The following PXDN variants were observed in gnomAD, a reference collection of about 807,000 sequenced individuals.
PXDN encodes the protein peroxidasin.
In PXDN, 77 loss-of-function variants were observed where a neutral mutation model predicts 140.3. The ratio of observed to expected loss-of-function variants is 0.55; its 90% CI spans 0.46 to 0.66. The LOEUF (loss-of-function observed/expected upper bound fraction) is 0.66. PXDN is among the 30% of genes least tolerant of loss of function. The pLI is 0.00. For synonymous variants in PXDN, 911 were observed against 857.4 expected (o/e 1.06, Z -1.09); for missense variants, 1,838 against 2,039.5 (o/e 0.90, Z 1.90).
intron 1 of PXDN, among the ~76,000 whole-genome samples, chr2:1,694,797 G>A (rs1048499153): frequency 9.9e-5 from 15 of 152,196 alleles, no homozygotes; most frequent in African/African-American, 3.6e-4. Flanking sequence ...AGCCATCCAG[G>A]ATGCCCACTC....
intron 4 of PXDN, 108 bp from the exon 5 acceptor site, chr2:1,684,259 T>C (rs558801792): frequency 2.2e-5 from 18 of 803,636 alleles, no homozygotes; most frequent in Admixed American, 4.3e-5. Flanking sequence ...TATCAATAGA[T>C]AGCTCACTCA....
intron 4 of PXDN, 138 bp from the exon 5 acceptor site, chr2:1,684,289 T>G: frequency 1.5e-6 from 1 of 675,988 alleles, no homozygotes; most frequent in Non-Finnish European, 2.6e-6. Context: ...CTACATTGTA[T>G]GAACAATACA....
At chr2:1,699,344 A>T (rs1684367433) in intron 1 of PXDN, among the ~76,000 whole-genome samples, 1 of 152,118 alleles carries the variant, frequency 6.6e-6, no homozygotes. Flanking sequence ...ACTGATTTTT[A>T]AAATAAAACA....
intron 2 of PXDN, chr2:1,692,396 C>CTTT (rs1558511271): frequency 2.4e-6 from 1 of 421,468 alleles, no homozygotes; most frequent in Non-Finnish European, 4.9e-6. Context: ...GAAAGGTGGG[C>CTTT]CCTGTGGCCC....
At position 1,651,397 on chromosome 2, in the gene PXDN, C is replaced by T. The variant is rs1340014407; in HGVS notation, c.2105-1722G>A. Among the ~76,000 whole-genome samples, 1 of 152,228 alleles carries T rather than the reference C, an allele frequency of 6.6e-6. No individual in the cohort carries two copies. Among genetic ancestry groups the T allele is most frequent in the Non-Finnish European group, 1.5e-5 (1 of 68,048 alleles). On this transcript the variant is annotated intron_variant, in intron 16 of 22. Coordinates refer to ENST00000252804, the MANE Select transcript of PXDN (RefSeq NM_012293.3). The surrounding 1 kb of genome is among the most constrained non-coding windows in gnomAD (Gnocchi z 4.4). ...TTTCCCAGGACTGGTTTGCCCACAT[C>T]TGTCCTCACCCCATGCAGAGTGGTC...
intron 1 of PXDN, among the ~76,000 whole-genome samples, chr2:1,703,222 G>C (rs1239701432): frequency 1.2e-4 from 3 of 25,828 alleles, no homozygotes; most frequent in Non-Finnish European, 2.0e-4. Context: ...CCAGGTGAAG[G>C]GGGGGGCAAC....
At chr2:1,638,171 C>A (rs983191124) in intron 21 of PXDN, among the ~76,000 whole-genome samples, 2 of 152,156 alleles carry the variant, frequency 1.3e-5, no homozygotes, top group Admixed American at 1.3e-4. Context: ...CCAGGACCTG[C>A]GCACCTTGGG....
intron 6 of PXDN, among the ~76,000 whole-genome samples, chr2:1,681,550 G>C (rs555057327): frequency 1.3e-5 from 2 of 151,910 alleles, no homozygotes; most frequent in South Asian, 4.2e-4. Context: ...TCTAGGGGCC[G>C]ACGCTGGCTC....
At chr2:1,663,550 T>C (rs1187205359) in intron 12 of PXDN, 55 bp downstream of exon 12, 6 of 1,592,122 alleles carry the variant, frequency 3.8e-6, no homozygotes, top group Middle Eastern at 3.3e-4. Context: ...AATTCTGTGT[T>C]TCCTGATAAC....
At chr2:1,688,020 T>A (rs1684100890) in intron 3 of PXDN, among the ~76,000 whole-genome samples, 1 of 152,172 alleles carries the variant, frequency 6.6e-6, no homozygotes. Flanking sequence ...CTGAAGAAGA[T>A]AAAAACCATT....
rs1351089833 is a variant in PXDN at position 1,639,457 on chromosome 2, G to A, written c.3953-35C>T. ...AAGCACAAAGCAGAATGTCAGCTCTGAAGGCTCTGACCTCGGGGAAATTAA... is the reference window on the plus strand; with the variant it reads ...AAGCACAAAGCAGAATGTCAGCTCTAAAGGCTCTGACCTCGGGGAAATTAA... On this transcript the variant is annotated intron_variant, in intron 19 of 22. Transcript: ENST00000252804. The surrounding 1 kb of genome is among the most constrained non-coding windows in gnomAD (Gnocchi z 5.0). The A allele has an allele frequency of 6.2e-7, 1 of 1,612,752 alleles. No individual in the cohort carries two copies. The highest frequency in any genetic ancestry group is 2.2e-5 in the East Asian group (1 of 44,850).
intron 5 of PXDN, 135 bp downstream of exon 5, chr2:1,683,945 T>G (rs1313932122): frequency 1.0e-6 from 1 of 1,001,240 alleles, no homozygotes; most frequent in African/African-American, 1.7e-5. Flanking sequence ...ATTTCCAAAT[T>G]GTTAGACTAG....
chr2:1,665,331 C>T (rs1029266806), intron 10 of PXDN, among the ~76,000 whole-genome samples: 2 of 152,178 alleles, frequency 1.3e-5, no homozygotes, highest in East Asian at 1.9e-4. Flanking sequence ...GCAATGCACA[C>T]GGGGCACGGA....
intron 7 of PXDN, among the ~76,000 whole-genome samples, chr2:1,677,608 G>A (rs1482727607): frequency 6.6e-6 from 1 of 152,094 alleles, no homozygotes; most frequent in Non-Finnish European, 1.5e-5. Flanking sequence ...GGCTTCCGAG[G>A]GCCATCCGAG....
In PXDN at chr2:1,714,514, A is replaced by G. The variant is rs1684853086; in HGVS notation, c.201-21380T>C. ...TGACCGCGGGTCCACGCTCAGGGAA[A>G]TGCCCCTCCCACAGCAGGCCCAGTG... On this transcript the variant is annotated intron_variant, in intron 1 of 22. Transcript: ENST00000252804. The surrounding 1 kb of genome is among the most constrained non-coding windows in gnomAD (Gnocchi z 4.3). Among the ~76,000 whole-genome samples, 1 of 152,118 alleles carries G rather than the reference A, an allele frequency of 6.6e-6. No individual in the cohort carries two copies. The highest frequency in any genetic ancestry group is 2.4e-5 in the African/African-American group (1 of 41,416).
intron 1 of PXDN, among the ~76,000 whole-genome samples, chr2:1,728,266 A>C (rs1380944581): frequency 6.6e-6 from 1 of 152,184 alleles, no homozygotes; most frequent in Non-Finnish European, 1.5e-5. Flanking sequence ...AACTAATGTA[A>C]ACCCTGCAGC....
intron 19 of PXDN, among the ~76,000 whole-genome samples, chr2:1,642,898 T>G (rs1682762161): frequency 6.6e-6 from 1 of 152,174 alleles, no homozygotes; most frequent in Non-Finnish European, 1.5e-5. Flanking sequence ...CCTGCAGGGC[T>G]CCTCACGAGA....
At position 1,666,334 on chromosome 2, in the gene PXDN, T is replaced by C; in HGVS notation, c.1171A>G (p.Ile391Val). The stretch of plus-strand genomic sequence containing the variant: ...ATGTAAAGCCCGCCAGAAGGCGTGA[T>C]GTTCACCCGCGGGTCAACTGGCAAG... ...TPLPVDPRVN[I>V]TPSGGLYIQN... Residue 391 changes from isoleucine to valine, a missense_variant, in exon 10 of 23, where the codon ATC (isoleucine) becomes GTC (valine). By Grantham distance (29) the Ile-to-Val change is conservative. This residue lies in a region of PXDN where 208 missense variants were observed against 325.8 expected (regional missense o/e 0.64). Coordinates refer to ENST00000252804, the MANE Select transcript of PXDN (RefSeq NM_012293.3). 6.2e-7 allele frequency: 1 copy of C among 1,614,066 alleles called. No homozygotes were observed. Among genetic ancestry groups the C allele is most frequent in the Non-Finnish European group, 8.5e-7 (1 of 1,179,894 alleles).
At chr2:1,675,800 AGTATCAAACAATGACTCAGTTTGAGCCCG>A (rs1683690977) in intron 8 of PXDN, among the ~76,000 whole-genome samples, 1 of 100,244 alleles carries the variant, frequency 1.0e-5, no homozygotes, top group African/African-American at 7.0e-5. Flanking sequence ...TTTGAGCCCG[AGTATCAAACAATGACTCAGTTTGAGCCCG>A]AGTATCACAG....
Sources: allele counts gnomAD v4.1 joint callset (sites outside exome capture counted in the v4.1 genomes callset), GRCh38; gene constraint gnomAD v4.1.1; regional missense constraint gnomAD v4.1.1; non-coding constraint Gnocchi (gnomAD v3.1); transcripts MANE v1.5; gene names NCBI Gene and HGNC (gene_info 2026-07-23, HGNC 2026-07-21).